The following SLC6A11 variants were observed in gnomAD, a reference collection of about 807,000 sequenced individuals.
SLC6A11 encodes the protein sodium- and chloride-dependent GABA transporter 3.
SLC6A11 carries 25 observed loss-of-function variants against 74.8 expected under a neutral mutation model. The ratio of observed to expected loss-of-function variants is 0.33; its 90% CI spans 0.24 to 0.47. The LOEUF (loss-of-function observed/expected upper bound fraction) is 0.47. Ranked by LOEUF, SLC6A11 falls within the 20% of genes least tolerant of loss-of-function variation. The probability of loss-of-function intolerance (pLI) is 1.00; values close to 1 mark genes in which losing one functional copy is unlikely to be tolerated. For synonymous variants in SLC6A11, 330 were observed against 330.2 expected (o/e 1.00, Z 0.01); for missense variants, 574 against 837.0 (o/e 0.69, Z 3.88).
intron 5 of SLC6A11, among the ~76,000 whole-genome samples, chr3:10,865,010 G>A (rs1266568643): frequency 1.3e-5 from 2 of 152,206 alleles, no homozygotes; most frequent in East Asian, 1.9e-4. Context: ...CTGAGACAGA[G>A]CTGATTCCTG....
intron 6 of SLC6A11, among the ~76,000 whole-genome samples, chr3:10,894,585 C>A (rs1695148289): frequency 6.6e-6 from 1 of 152,198 alleles, no homozygotes; most frequent in South Asian, 2.1e-4. Flanking sequence ...TATGTAGAAT[C>A]TAGAAAAGTC....
At chr3:10,888,620 G>A (rs989787980) in intron 6 of SLC6A11, among the ~76,000 whole-genome samples, 11 of 152,230 alleles carry the variant, frequency 7.2e-5, no homozygotes, top group Admixed American at 5.9e-4. Context: ...GCCCAGCCAC[G>A]CAGTGAGAGT....
chr3:10,921,446 A>T (rs1323645918), intron 8 of SLC6A11, among the ~76,000 whole-genome samples: 1 of 152,250 alleles, frequency 6.6e-6, no homozygotes, highest in East Asian at 1.9e-4. Flanking sequence ...GTCTTGGTCC[A>T]ATTGTTTAGA....
intron 6 of SLC6A11, among the ~76,000 whole-genome samples, chr3:10,909,231 C>CT (rs1274049250): frequency 2.0e-5 from 3 of 152,126 alleles, no homozygotes; most frequent in African/African-American, 7.2e-5. Context: ...GTGGCCAGCC[C>CT]TGAATCTACC....
At chr3:10,893,007 T>C (rs1695125899) in intron 6 of SLC6A11, among the ~76,000 whole-genome samples, 1 of 152,202 alleles carries the variant, frequency 6.6e-6, no homozygotes. Flanking sequence ...ACCTCTCCTA[T>C]GATGGCTTGC....
At chr3:10,925,134 G>A (rs189933084) in intron 8 of SLC6A11, among the ~76,000 whole-genome samples, 26 of 152,324 alleles carry the variant, frequency 1.7e-4, no homozygotes, top group African/African-American at 4.8e-4. Flanking sequence ...CTTGATTGTC[G>A]TGGTGGTTAT....
chr3:10,885,613 A>AT (rs1194121431), intron 6 of SLC6A11, among the ~76,000 whole-genome samples: 2 of 150,530 alleles, frequency 1.3e-5, no homozygotes, highest in Non-Finnish European at 2.9e-5. Context: ...AAAAAAAAAA[A>AT]AATCAGGTCC....
At chr3:10,888,201 G>A (rs1234654271) in intron 6 of SLC6A11, among the ~76,000 whole-genome samples, 1 of 152,226 alleles carries the variant, frequency 6.6e-6, no homozygotes, top group African/African-American at 2.4e-5. Flanking sequence ...TCTCTCGTAA[G>A]CTTCTAGAGG....
intron 5 of SLC6A11, among the ~76,000 whole-genome samples, chr3:10,848,344 C>T (rs565185055): frequency 3.3e-5 from 5 of 152,328 alleles, no homozygotes; most frequent in Admixed American, 6.5e-5. Context: ...GTCCAGGAAG[C>T]GCTGGCATTA....
At chr3:10,867,613 G>C (rs1305405436) in intron 5 of SLC6A11, among the ~76,000 whole-genome samples, 2 of 152,198 alleles carry the variant, frequency 1.3e-5, no homozygotes, top group Non-Finnish European at 2.9e-5. Context: ...GAGCAAGGAA[G>C]GACCTCAGAA....
chr3:10,932,775 C>A (rs899600894), intron 10 of SLC6A11, among the ~76,000 whole-genome samples: 1 of 152,090 alleles, frequency 6.6e-6, no homozygotes, highest in Non-Finnish European at 1.5e-5. Flanking sequence ...TGAAAGCTGG[C>A]GTGCAGACGG....
chr3:10,918,449 G>A lies in SLC6A11; in HGVS notation c.1116G>A (p.Glu372=), dbSNP rs746853876. Reference sequence around the variant, plus strand: ...GGGTACCCATTGCTGAGGTGGCAGAGTCAGGTAAGTTCGCCAAAGGTGGGG... The same window carrying A: ...GGGTACCCATTGCTGAGGTGGCAGAATCAGGTAAGTTCGCCAAAGGTGGGG... The part of the protein sequence containing the change: ...EQGVPIAEVA[E]SGPGLAFIAY... The change falls in exon 8 of 14, where the codon GAG becomes GAA. Residue 372 remains glutamate (E), a synonymous_variant. Coordinates refer to ENST00000254488, the MANE Select transcript of SLC6A11 (RefSeq NM_014229.3). The surrounding 1 kb of genome is among the most constrained non-coding windows in gnomAD (Gnocchi z 4.5). The A allele has an allele frequency of 2.5e-6, 4 of 1,603,444 alleles. No homozygotes were observed. In the African/African-American group the frequency reaches 5.4e-5, roughly 22 times the overall value.
At chr3:10,878,933 C>T (rs1365028608) in intron 6 of SLC6A11, among the ~76,000 whole-genome samples, 4 of 152,172 alleles carry the variant, frequency 2.6e-5, no homozygotes, top group Admixed American at 2.6e-4. Flanking sequence ...AGTGCCTACT[C>T]TGTGTCAGAG....
rs1575679711 is a variant in SLC6A11 at position 10,861,990 on chromosome 3, C to T, written c.757-12971C>T. On this transcript the variant is annotated intron_variant, in intron 5 of 13. Transcript: ENST00000254488. Reference sequence around the variant, plus strand: ...GATGCTTGCAGGAACAAGGCAGCACCTTGCTCTTTCTGGCTCCAAATGCGG... The same window carrying T: ...GATGCTTGCAGGAACAAGGCAGCACTTTGCTCTTTCTGGCTCCAAATGCGG... Among the ~76,000 whole-genome samples, 3 of 152,276 alleles carry T rather than the reference C, an allele frequency of 2.0e-5. No individual in the cohort carries two copies. In the East Asian group the frequency reaches 5.8e-4, roughly 29 times the overall value.
At chr3:10,897,328 C>A (rs1695183245) in intron 6 of SLC6A11, among the ~76,000 whole-genome samples, 1 of 152,182 alleles carries the variant, frequency 6.6e-6, no homozygotes, top group Non-Finnish European at 1.5e-5. Flanking sequence ...TCAGCATTAA[C>A]TCAAAAGTCC....
intron 6 of SLC6A11, among the ~76,000 whole-genome samples, chr3:10,898,978 C>T (rs193078631): frequency 2.6e-4 from 39 of 152,246 alleles, no homozygotes; most frequent in African/African-American, 7.5e-4. Context: ...CACATGGTGG[C>T]GGCAAGAGAG....
chr3:10,887,507 C>A (rs1817570), intron 6 of SLC6A11, among the ~76,000 whole-genome samples: 161 of 152,076 alleles, frequency 1.1e-3, no homozygotes, highest in African/African-American at 3.8e-3. Context: ...GTACAATGGC[C>A]TGATCTCGGC....
At chr3:10,912,040 A>G (rs1439561149) in intron 6 of SLC6A11, 50 bp from the exon 7 acceptor site, 1 of 1,244,224 alleles carries the variant, frequency 8.0e-7, no homozygotes, top group South Asian at 1.2e-5. Flanking sequence ...CTACCCTCTC[A>G]CCACACATCT....
At chr3:10,933,010 T>G (rs533602141) in intron 10 of SLC6A11, 141 bp from the exon 11 acceptor site, 1 of 662,336 alleles carries the variant, frequency 1.5e-6, no homozygotes, top group East Asian at 2.6e-5. Context: ...ATTTTCAAAC[T>G]GGGAAGACTA....
Sources: gnomAD v4.1 joint callset for allele counts (sites outside exome capture counted in the v4.1 genomes callset) on GRCh38, gnomAD v4.1.1 for gene constraint, Gnocchi (gnomAD v3.1) non-coding constraint, MANE v1.5 for transcripts, NCBI Gene and HGNC (gene_info 2026-07-23, HGNC 2026-07-21) for gene names.